ITPKA: variants seen among roughly 807,000 people sequenced by gnomAD.
ITPKA encodes the protein IP3 3-kinase A.
ITPKA carries 16 observed loss-of-function variants against 40.7 expected under a neutral mutation model. That is an observed-to-expected ratio of 0.39 (90% confidence interval 0.27 to 0.60). The LOEUF (loss-of-function observed/expected upper bound fraction) is 0.60. Among genes scored for constraint, ITPKA ranks in the 20% least tolerant of loss-of-function variants. The probability of loss-of-function intolerance (pLI) is 0.50; values close to 1 mark genes in which losing one functional copy is unlikely to be tolerated. For missense variants in ITPKA, 540 were observed against 649.3 expected (o/e 0.83, Z 1.83); for synonymous variants, 313 against 289.9 (o/e 1.08, Z -0.81).
At position 41,502,160 on chromosome 15, in the gene ITPKA, A is replaced by G. The variant is rs1421755663; in HGVS notation, c.967A>G (p.Ser323Gly). 1 of 1,598,874 alleles carries G rather than the reference A, an allele frequency of 6.3e-7. No individual in the cohort carries two copies. Residue 323 changes from serine to glycine, a missense_variant, in exon 4 of 7, where the codon AGC (serine) becomes GGC (glycine). Physicochemically the swap from Ser to Gly is moderately conservative, Grantham distance 56 (BLOSUM62 0). Transcript: ENST00000260386. ...CTACATGCAGTGGCGGGAAGGCATC[A>G]GCTCCAGCACCACCCTCGGCTTCCG... The part of the protein sequence containing the change: ...PRYMQWREGI[S>G]SSTTLGFRIE...
intron 5 of ITPKA, 125 bp downstream of exon 5, chr15:41,502,628 C>T (rs1595451035): frequency 1.1e-6 from 1 of 924,474 alleles, no homozygotes; most frequent in East Asian, 2.6e-5. Context: ...CTCGCAACTG[C>T]TCTACGCTCC....
chr15:41,500,464 ATGTC>A (rs1566857773), intron 1 of ITPKA, among the ~76,000 whole-genome samples: 1 of 152,078 alleles, frequency 6.6e-6, no homozygotes. Context: ...GTTTCTGTGT[ATGTC>A]TGTCTCCCTA....
rs781042832 is a variant in ITPKA, at chr15:41,503,010, C to T, written c.1230C>T (p.Ala410=). The change falls in exon 7 of 7, where the codon GCC becomes GCT. Residue 410 remains alanine (A), a synonymous_variant. Coordinates refer to ENST00000260386, the MANE Select transcript of ITPKA (RefSeq NM_002220.3). Reference sequence around the variant, plus strand: ...TTGTGCACGATCACTGCCATCGCGCCGGCGTGTGGCTCATCGACTTCGGCA... The same window carrying T: ...TTGTGCACGATCACTGCCATCGCGCTGGCGTGTGGCTCATCGACTTCGGCA... ...LLFVHDHCHR[A]GVWLIDFGKT... 1.4e-5 allele frequency: 22 copies of T among 1,608,280 alleles called. No individual in the cohort carries two copies. Among genetic ancestry groups the T allele is most frequent in the Middle Eastern group, 1.6e-4 (1 of 6,068 alleles).
Position 41,501,731 on chromosome 15 carries a change from G to A in ITPKA, c.683G>A (p.Arg228His). 1.2e-6 allele frequency: 2 copies of A among 1,611,684 alleles called. No individual in the cohort carries two copies. Among genetic ancestry groups the A allele is most frequent in the South Asian group, 2.2e-5 (2 of 90,928 alleles). Residue 228 changes from arginine to histidine, a missense_variant, in exon 3 of 7, where the codon CGC becomes CAC. By Grantham distance (29) the Arg-to-His change is conservative (BLOSUM62 0). Coordinates refer to ENST00000260386, the MANE Select transcript of ITPKA (RefSeq NM_002220.3). ...GCGCGGCTGATGGCTGACGCGCTGC[G>A]CGGCTGCGTGCCTGCCTTCCACGGC... ...CLARLMADAL[R>H]GCVPAFHGVV...
At chr15:41,496,377 C>G (rs1419060491) in intron 1 of ITPKA, among the ~76,000 whole-genome samples, 1 of 152,198 alleles carries the variant, frequency 6.6e-6, no homozygotes, top group Non-Finnish European at 1.5e-5. Context: ...GCCTGCCTAC[C>G]TCTCTGCCTG....
Position 41,494,964 on chromosome 15 carries a change from G to A in ITPKA, c.489+548G>A, listed in dbSNP as rs1194245666. Among the ~76,000 whole-genome samples the A allele has an allele frequency of 6.6e-6, 1 of 152,208 alleles. No individual in the cohort carries two copies. Among genetic ancestry groups the A allele is most frequent in the Non-Finnish European group, 1.5e-5 (1 of 68,028 alleles). ...TGGACGCAGGGGAGGGAGGGGCGTG[G>A]GCCTGGGAGCTCTGGCTGGGAGCGG... is the stretch of plus-strand genomic sequence containing the variant. On this transcript the variant is annotated intron_variant, in intron 1 of 6. Coordinates refer to ENST00000260386, the MANE Select transcript of ITPKA (RefSeq NM_002220.3). The surrounding 1 kb of genome is among the most constrained non-coding windows in gnomAD (Gnocchi z 7.8).
At chr15:41,499,438 G>A (rs753943448) in intron 1 of ITPKA, among the ~76,000 whole-genome samples, 1 of 152,184 alleles carries the variant, frequency 6.6e-6, no homozygotes, top group African/African-American at 2.4e-5. Flanking sequence ...GTCCTCCCAG[G>A]GGAAACAGGC....
In ITPKA at chr15:41,501,868, A is replaced by C. The variant is rs1383811084; in HGVS notation, c.803+17A>C. ...GGGCGTCAGGTATGCGTGCCCTGCC[A>C]GGTCGGTTGGGGGGATCAAGTAGGG... On this transcript the variant is annotated intron_variant, in intron 3 of 6. Coordinates refer to ENST00000260386, the MANE Select transcript of ITPKA (RefSeq NM_002220.3). 12 of 1,610,032 alleles carry C rather than the reference A, an allele frequency of 7.5e-6. No individual in the cohort carries two copies. Among genetic ancestry groups the C allele is most frequent in the Non-Finnish European group, 1.0e-5 (12 of 1,177,962 alleles).
intron 1 of ITPKA, among the ~76,000 whole-genome samples, chr15:41,501,042 A>G (rs2051106341): frequency 6.9e-6 from 1 of 143,944 alleles, no homozygotes; most frequent in Admixed American, 7.1e-5. Flanking sequence ...AAATGGCCCT[A>G]CTCTAGACCA....
In ITPKA at chr15:41,502,699, C is replaced by A. The variant is rs1335342928; in HGVS notation, c.1111-89C>A. On this transcript the variant is annotated intron_variant, in intron 5 of 6. Transcript: ENST00000260386. ...CCTCCTCCTGGCGGCATTTGCCAAG[C>A]ACAGCGTGGGTCCCGGCTCCTCATC... The A allele has an allele frequency of 6.2e-6, 8 of 1,287,206 alleles. No homozygotes were observed. In the East Asian group the frequency reaches 1.0e-4, roughly 16 times the overall value. 79.7% of individuals were successfully genotyped at this position (1,287,206 alleles called of 1,614,324 possible).
In ITPKA at chr15:41,494,359, C is replaced by T. The variant is rs944628851; in HGVS notation, c.432C>T (p.Asp144=). 8.6e-6 allele frequency: 13 copies of T among 1,509,316 alleles called. No individual in the cohort carries two copies. The highest frequency in any genetic ancestry group is 1.1e-5 in the Non-Finnish European group (13 of 1,134,032). 93.5% of individuals were successfully genotyped at this position (1,509,316 alleles called of 1,614,324 possible). Residue 144 remains aspartate, a synonymous_variant, in exon 1 of 7, where the codon GAC becomes GAT. Coordinates refer to ENST00000260386, the MANE Select transcript of ITPKA (RefSeq NM_002220.3). This position sits in a 1 kb window ranked among gnomAD's most constrained non-coding sequence, Gnocchi z 7.8. The stretch of plus-strand genomic sequence containing the variant: ...ACTCGGAGGACGACCTGCTGAGCGA[C>T]AGTGAGAGCCGGAGCCGCGGCAACG... The part of the protein sequence containing the change: ...LEDSEDDLLS[D]SESRSRGNVQ...
At position 41,501,751 on chromosome 15, in the gene ITPKA, C is replaced by T. The variant is rs768837113; in HGVS notation, c.703C>T (p.His235Tyr). The change falls in exon 3 of 7, where the codon CAC becomes TAC. Residue 235 changes from histidine (H) to tyrosine (Y), a missense_variant. Transcript: ENST00000260386. ...GCTGCGCGGCTGCGTGCCTGCCTTC[C>T]ACGGCGTGGTGGAGCGCGACGGCGA... is the stretch of plus-strand genomic sequence containing the variant. ...DALRGCVPAF[H>Y]GVVERDGESY... is the part of the protein sequence containing the mutation. 3.1e-6 allele frequency: 5 copies of T among 1,612,542 alleles called. No individual in the cohort carries two copies. Among genetic ancestry groups the T allele is most frequent in the Middle Eastern group, 1.7e-4 (1 of 6,042 alleles).
At position 41,493,916 on chromosome 15, in the gene ITPKA, C is replaced by A. The variant is rs1330679537; in HGVS notation, c.-12C>A. On this transcript the variant is annotated 5_prime_UTR_variant, in exon 1 of 7. Coordinates refer to ENST00000260386, the MANE Select transcript of ITPKA (RefSeq NM_002220.3). The stretch of plus-strand genomic sequence containing the variant: ...GGGCTGGTGGGCTCAGCGGCGGCGC[C>A]GGCACTGGGAAATGACCCTGCCCGG... 8 of 1,011,000 alleles carry A rather than the reference C, an allele frequency of 7.9e-6. No homozygotes were observed. Among genetic ancestry groups the A allele is most frequent in the Non-Finnish European group, 9.4e-6 (8 of 848,100 alleles). 62.6% of individuals were successfully genotyped at this position (1,011,000 alleles called of 1,614,324 possible). A position where few individuals can be genotyped will look rare whatever the true frequency, so the allele number is the denominator to read the frequency against.
chr15:41,499,691 G>T (rs1221388391), intron 1 of ITPKA, among the ~76,000 whole-genome samples: 1 of 152,120 alleles, frequency 6.6e-6, no homozygotes, highest in East Asian at 1.9e-4. Flanking sequence ...ATGTGTAACT[G>T]TGCTAAAAGG....
Position 41,502,792 on chromosome 15 carries a change from G to A in ITPKA, c.1115G>A (p.Arg372Gln), listed in dbSNP as rs755436645. 1.2e-6 allele frequency: 2 copies of A among 1,608,558 alleles called. No individual in the cohort carries two copies. The highest frequency in any genetic ancestry group is 1.1e-5 in the South Asian group (1 of 90,364). The change falls in exon 6 of 7, where the codon CGG becomes CAG. Residue 372 changes from arginine to glutamine, a missense_variant. By Grantham distance (43) the Arg-to-Gln change is conservative. Coordinates refer to ENST00000260386, the MANE Select transcript of ITPKA (RefSeq NM_002220.3). Reference protein sequence around the residue: ...FVQGDEEVLRRYLNRLQQIRD... With the variant: ...FVQGDEEVLRQYLNRLQQIRD... The stretch of plus-strand genomic sequence containing the variant: ...CTCCCACCCCACCCTCTGCAGAGGC[G>A]GTATCTGAACCGCCTGCAGCAGATC...
intron 1 of ITPKA, among the ~76,000 whole-genome samples, chr15:41,499,335 A>G (rs1032493264): frequency 1.3e-5 from 2 of 152,204 alleles, no homozygotes; most frequent in African/African-American, 4.8e-5. Flanking sequence ...TCAGTAGGAA[A>G]GTGGGAGCAA....
chr15:41,497,142 G>A (rs2051078453), intron 1 of ITPKA, among the ~76,000 whole-genome samples: 1 of 152,210 alleles, frequency 6.6e-6, no homozygotes, highest in African/African-American at 2.4e-5. Flanking sequence ...TCCCTGTTCA[G>A]CCCTAGGAGT....
At position 41,503,489 on chromosome 15, in the gene ITPKA, C is replaced by A. The variant is rs747729736; in HGVS notation, c.*323C>A. 1.9e-5 allele frequency: 12 copies of A among 619,562 alleles called. No homozygotes were observed. Among genetic ancestry groups the A allele is most frequent in the Non-Finnish European group, 3.1e-5 (10 of 326,444 alleles). The allele number at this position is 619,562 out of a possible 1,614,324, so 38.4% of individuals were successfully genotyped here. On this transcript the variant is annotated 3_prime_UTR_variant, in exon 7 of 7. Transcript: ENST00000260386. ...GCGGATTTTATTTAGCAAGCCCAGA[C>A]CTTCCGGTCTAACGTCTCACACCAC...
intron 1 of ITPKA, among the ~76,000 whole-genome samples, chr15:41,500,162 TG>T (rs1185188390): frequency 5.3e-5 from 8 of 152,216 alleles, no homozygotes; most frequent in African/African-American, 1.9e-4. Context: ...GGTTTCACCA[TG>T]TTGGCTAGGA....
Sources: allele counts gnomAD v4.1 joint callset (sites outside exome capture counted in the v4.1 genomes callset), GRCh38; gene constraint gnomAD v4.1.1; non-coding constraint Gnocchi (gnomAD v3.1); transcripts MANE v1.5; gene names NCBI Gene and HGNC (gene_info 2026-07-23, HGNC 2026-07-21).